The following STAG1 variants were observed in gnomAD, a reference collection of about 807,000 sequenced individuals.
STAG1 encodes the protein cohesin subunit SA-1.
In STAG1, 26 loss-of-function variants were observed where a neutral mutation model predicts 170.9. That is an observed-to-expected ratio of 0.15 (90% CI 0.11 to 0.21). STAG1 has a LOEUF of 0.21. Among genes scored for constraint, STAG1 ranks in the 10% least tolerant of loss-of-function variants. The pLI is 1.00. For missense variants in STAG1, 964 were observed against 1,509.5 expected (o/e 0.64, Z 5.99); for synonymous variants, 514 against 497.7 (o/e 1.03, Z -0.44).
intron 1 of STAG1, among the ~76,000 whole-genome samples, chr3:136,719,393 TG>T (rs950488651): frequency 2.0e-5 from 3 of 152,016 alleles, no homozygotes; most frequent in Admixed American, 1.3e-4. Flanking sequence ...TTTTCTTCTT[TG>T]GGGGGTGATA....
At chr3:136,446,416 G>GT (rs202210426) in intron 14 of STAG1, among the ~76,000 whole-genome samples, 2,631 of 150,418 alleles carry the variant, frequency 0.017, 76 homozygotes, top group African/African-American at 0.061. Flanking sequence ...TCCCTTCATT[G>GT]TTTTTTTTTA....
intron 1 of STAG1, among the ~76,000 whole-genome samples, chr3:136,670,140 T>C (rs911650233): frequency 3.9e-5 from 6 of 152,232 alleles, no homozygotes; most frequent in African/African-American, 9.6e-5. Context: ...TTTGATATTA[T>C]AGAATCATCC....
chr3:136,378,929 A>G (rs1937768544), intron 22 of STAG1, among the ~76,000 whole-genome samples: 1 of 152,236 alleles, frequency 6.6e-6, no homozygotes, highest in Admixed American at 6.5e-5. Context: ...AAAGTACTCA[A>G]CTAAAACTCT....
intron 6 of STAG1, among the ~76,000 whole-genome samples, chr3:136,531,793 GA>G (rs1188018344): frequency 6.6e-6 from 1 of 151,192 alleles, no homozygotes; most frequent in Non-Finnish European, 1.5e-5. Context: ...ATAGCATCGG[GA>G]GATATACCTA....
chr3:136,439,462 A>G (rs2107756617), intron 15 of STAG1, among the ~76,000 whole-genome samples: 1 of 149,868 alleles, frequency 6.7e-6, no homozygotes, highest in Non-Finnish European at 1.5e-5. Flanking sequence ...AGACAGTCTT[A>G]AGGCCACTGT....
At chr3:136,651,088 G>C (rs950861240) in intron 1 of STAG1, among the ~76,000 whole-genome samples, 2 of 152,058 alleles carry the variant, frequency 1.3e-5, no homozygotes, top group African/African-American at 4.8e-5. Flanking sequence ...TCATGTGCTG[G>C]GCACTGTGGC....
At chr3:136,733,083 AC>A (rs1934135690) in intron 1 of STAG1, among the ~76,000 whole-genome samples, 1 of 145,600 alleles carries the variant, frequency 6.9e-6, no homozygotes, top group East Asian at 2.0e-4. Flanking sequence ...TTAAAACCTA[AC>A]TTTTTTTTTT....
rs1576494019 is a variant in STAG1, at chr3:136,464,898, T to C, written c.1296A>G (p.Gly432=). 6.2e-7 allele frequency: 1 copy of C among 1,612,158 alleles called. No individual in the cohort carries two copies. The highest frequency in any genetic ancestry group is 1.7e-5 in the Admixed American group (1 of 59,620). The change falls in exon 13 of 34, where the codon GGA becomes GGG. Residue 432 remains glycine, a synonymous_variant. Coordinates refer to ENST00000383202, the MANE Select transcript of STAG1 (RefSeq NM_005862.3). ...SAHRPVAVAA[G]EFLHKKLFSR... ...TAGCTCACTTTTTGTGAAGGAACTC[T>C]CCAGCTGCCACAGCAACAGGGCGAT...
intron 9 of STAG1, among the ~76,000 whole-genome samples, chr3:136,486,571 AAAGTC>A (rs1237408794): frequency 1.3e-5 from 2 of 152,216 alleles, no homozygotes; most frequent in Non-Finnish European, 2.9e-5. Context: ...TACCCTTGTA[AAAGTC>A]AATTCTATAA....
At chr3:136,393,871 C>T (rs112302294) in intron 22 of STAG1, among the ~76,000 whole-genome samples, 104 of 152,308 alleles carry the variant, frequency 6.8e-4, no homozygotes, top group African/African-American at 2.4e-3. Flanking sequence ...GCTAGGATTA[C>T]AGGCATGAAC....
At chr3:136,421,014 G>T in intron 20 of STAG1, 79 bp downstream of exon 20, 1 of 785,220 alleles carries the variant, frequency 1.3e-6, no homozygotes, top group Non-Finnish European at 2.0e-6. Flanking sequence ...CAAGCAATCT[G>T]CCCATCTCGG....
chr3:136,608,416 A>G (rs1406615379), intron 3 of STAG1, among the ~76,000 whole-genome samples: 1 of 150,608 alleles, frequency 6.6e-6, no homozygotes, highest in East Asian at 1.9e-4. Context: ...CTGTAGTCCC[A>G]GCTGCTCAGC....
At chr3:136,493,656 G>GAAA (rs549570470) in intron 9 of STAG1, among the ~76,000 whole-genome samples, 1 of 63,178 alleles carries the variant, frequency 1.6e-5, no homozygotes, top group African/African-American at 5.7e-5. Flanking sequence ...TCCTGTCTCC[G>GAAA]AAAAAAAAAA....
At chr3:136,520,755 G>A (rs1045039264) in intron 7 of STAG1, among the ~76,000 whole-genome samples, 4 of 151,984 alleles carry the variant, frequency 2.6e-5, no homozygotes, top group African/African-American at 9.7e-5. Context: ...ATAGCACTAG[G>A]AATAGGAAGA....
chr3:136,438,836 A>G (rs1308658600), intron 15 of STAG1, among the ~76,000 whole-genome samples: 1 of 152,116 alleles, frequency 6.6e-6, no homozygotes. Context: ...TATTATTTAC[A>G]GCTACTTCAT....
At chr3:136,751,728 T>C (rs1269558005) in intron 1 of STAG1, among the ~76,000 whole-genome samples, 1 of 151,444 alleles carries the variant, frequency 6.6e-6, no homozygotes, top group Non-Finnish European at 1.5e-5. Flanking sequence ...GAAACGCAGG[T>C]CGGCAGGCGG....
At chr3:136,624,330 GAC>G (rs1939998684) in intron 2 of STAG1, among the ~76,000 whole-genome samples, 1 of 152,068 alleles carries the variant, frequency 6.6e-6, no homozygotes, top group Non-Finnish European at 1.5e-5. Flanking sequence ...TCGATCTCCT[GAC>G]CTCATGATCC....
Position 136,661,358 on chromosome 3 carries a change from C to T in STAG1, c.-83-30377G>A, listed in dbSNP as rs114634727. ...ACCCAAAAATCCAAAATTCAAAGTGCTTCAAAATCCAAAACTTTTTGAGAG... is the reference window on the plus strand; with the variant it reads ...ACCCAAAAATCCAAAATTCAAAGTGTTTCAAAATCCAAAACTTTTTGAGAG... On this transcript the variant is annotated intron_variant, in intron 1 of 33. Coordinates refer to ENST00000383202, the MANE Select transcript of STAG1 (RefSeq NM_005862.3). 3.4e-3 allele frequency among the ~76,000 whole-genome samples: 520 copies of T among 152,246 alleles called. 6 individuals carry two copies. Among genetic ancestry groups the T allele is most frequent in the African/African-American group, 0.011 (471 of 41,554 alleles).
intron 21 of STAG1, among the ~76,000 whole-genome samples, chr3:136,402,638 C>G (rs1041048013): frequency 4.6e-5 from 7 of 151,144 alleles, no homozygotes; most frequent in Non-Finnish European, 1.0e-4. Flanking sequence ...CAAGACCAGC[C>G]TGGCCAAGAT....
Sources: gnomAD v4.1 joint callset for allele counts (sites outside exome capture counted in the v4.1 genomes callset) on GRCh38, gnomAD v4.1.1 for gene constraint, MANE v1.5 for transcripts, NCBI Gene and HGNC (gene_info 2026-07-23, HGNC 2026-07-21) for gene names.